EPB41L1: variants seen among roughly 807,000 people sequenced by gnomAD.
EPB41L1 encodes the protein erythrocyte membrane protein band 4.1 like 1, also known as band 4.1-like protein 1.
In EPB41L1, 29 loss-of-function variants were observed where a neutral mutation model predicts 97.8. The observed-to-expected ratio is 0.30, with a 90% CI of 0.22 to 0.40. The LOEUF (loss-of-function observed/expected upper bound fraction) is 0.40, where lower values mean the gene tolerates loss of function less well. Among genes scored for constraint, EPB41L1 ranks in the 10% least tolerant of loss-of-function variants. The pLI is 1.00. For missense variants in EPB41L1, 812 were observed against 1,162.3 expected, an observed-to-expected ratio of 0.70 and a Z score of 4.38; for synonymous variants, 383 against 459.2, an observed-to-expected ratio of 0.83 and a Z score of 2.12.
intron 2 of EPB41L1, among the ~76,000 whole-genome samples, chr20:36,120,424 T>C (rs2058715656): frequency 6.6e-6 from 1 of 152,202 alleles, no homozygotes; most frequent in African/African-American, 2.4e-5. Flanking sequence ...ACTGGTCCGG[T>C]GAACTTGGCA....
intron 1 of EPB41L1, among the ~76,000 whole-genome samples, chr20:36,103,045 G>A (rs1467851964): frequency 6.6e-6 from 1 of 152,164 alleles, no homozygotes; most frequent in East Asian, 1.9e-4. Flanking sequence ...TCAAGGCTCA[G>A]CTCAGATGCC....
At chr20:36,188,106 G>A (rs2061762287) in intron 8 of EPB41L1, among the ~76,000 whole-genome samples, 1 of 152,182 alleles carries the variant, frequency 6.6e-6, no homozygotes, top group South Asian at 2.1e-4. Flanking sequence ...ATGAACGATT[G>A]AGTGATTGAC....
intron 1 of EPB41L1, among the ~76,000 whole-genome samples, chr20:36,167,731 A>ATAC (rs1296161804): frequency 6.6e-6 from 1 of 151,012 alleles, no homozygotes; most frequent in African/African-American, 2.4e-5. Flanking sequence ...AATAATAATA[A>ATAC]TAACAATAAT....
At chr20:36,109,023 A>G (rs1050286818) in intron 1 of EPB41L1, among the ~76,000 whole-genome samples, 2 of 151,200 alleles carry the variant, frequency 1.3e-5, no homozygotes, top group Admixed American at 1.3e-4. Context: ...GGCTCACTGC[A>G]AGCTCCGCCT....
chr20:36,153,396 C>G (rs118134518), upstream of EPB41L1, among the ~76,000 whole-genome samples: 50 of 152,220 alleles, frequency 3.3e-4, no homozygotes, highest in East Asian at 9.5e-3. Flanking sequence ...CAGCTCACAT[C>G]GAGGCTGCTT....
chr20:36,118,994 G>A (rs577473739), intron 2 of EPB41L1, among the ~76,000 whole-genome samples: 1 of 152,304 alleles, frequency 6.6e-6, no homozygotes, highest in African/African-American at 2.4e-5. Flanking sequence ...ATCTTCTCCA[G>A]CCCTTGATTC....
At chr20:36,194,396 G>T in intron 12 of EPB41L1, 36 bp downstream of exon 12, 1 of 1,572,466 alleles carries the variant, frequency 6.4e-7, no homozygotes, top group East Asian at 2.4e-5. Context: ...TCTGCCCTGG[G>T]GATCAGGAGG....
Position 36,190,683 on chromosome 20 carries a change from A to C in EPB41L1, c.1186A>C (p.Ser396Arg). 1 of 1,614,060 alleles carries C rather than the reference A, an allele frequency of 6.2e-7. No individual in the cohort carries two copies. The highest frequency in any genetic ancestry group is 8.5e-7 in the Non-Finnish European group (1 of 1,180,002). Reference sequence around the variant, plus strand: ...GGTGATGGGCTCCAAGTTCCGGTACAGTGGGAGGACCCAGGCACAGACTCG... The same window carrying C: ...GGTGATGGGCTCCAAGTTCCGGTACCGTGGGAGGACCCAGGCACAGACTCG... Reference protein sequence around the residue: ...FLVMGSKFRYSGRTQAQTRQA... With the variant: ...FLVMGSKFRYRGRTQAQTRQA... Residue 396 changes from serine to arginine, a missense_variant, in exon 11 of 22, where the codon AGT becomes CGT. Ser to Arg is a moderately radical substitution (Grantham distance 110, BLOSUM62 -1). This residue lies in a region of EPB41L1 where 230 missense variants were observed against 445.2 expected (regional missense o/e 0.52). Coordinates refer to ENST00000338074, the MANE Select transcript of EPB41L1 (RefSeq NM_012156.2). This position sits in a 1 kb window ranked among gnomAD's most constrained non-coding sequence, Gnocchi z 5.8.
Position 36,092,276 on chromosome 20 carries a change from A to T in EPB41L1, c.-65+664A>T, listed in dbSNP as rs893774498. On this transcript the variant is annotated intron_variant, in intron 1 of 19. Transcript: ENST00000202028. This position sits in a 1 kb window ranked among gnomAD's most constrained non-coding sequence, Gnocchi z 7.0. ...GAGAAGTCTAAGCTAGGGAAAATCG[A>T]GGTCGGCGCTGGCGGGAACCCGGGA... Among the ~76,000 whole-genome samples the T allele has an allele frequency of 1.3e-5, 2 of 152,110 alleles. No homozygotes were observed. Among genetic ancestry groups the T allele is most frequent in the Non-Finnish European group, 2.9e-5 (2 of 68,008 alleles).
At chr20:36,117,544 A>G (rs1483461676) in intron 2 of EPB41L1, among the ~76,000 whole-genome samples, 6 of 152,230 alleles carry the variant, frequency 3.9e-5, no homozygotes, top group Non-Finnish European at 8.8e-5. Flanking sequence ...TCAATTTATC[A>G]TCTCATCTGA....
At chr20:36,186,277 G>A (rs145664461) in intron 7 of EPB41L1, among the ~76,000 whole-genome samples, 209 of 152,310 alleles carry the variant, frequency 1.4e-3, no homozygotes, top group African/African-American at 4.8e-3. Flanking sequence ...GTCCAGGATT[G>A]TTATGGGGAC....
intron 1 of EPB41L1, among the ~76,000 whole-genome samples, chr20:36,102,101 C>T (rs942092062): frequency 4.0e-5 from 6 of 149,016 alleles, no homozygotes; most frequent in African/African-American, 1.2e-4. Context: ...AACCCAGCTG[C>T]TCCATGGGCG....
Position 36,143,131 on chromosome 20 carries a change from GTGTGTT to G in EPB41L1, c.-10+30657_-10+30662del, listed in dbSNP as rs1383006911. On this transcript the variant is annotated intron_variant, in intron 2 of 19. Coordinates refer to the EPB41L1 transcript ENST00000202028. ...TGTGGTTGTGGCTATGTGAGGGAGG[GTGTGTT>G]TGTGTGTGTGTGTGTGTGTGTGTGT... Among the ~76,000 whole-genome samples, 571 of 134,896 alleles carry G rather than the reference GTGTGTT, an allele frequency of 4.2e-3. 2 individuals carry two copies. The highest frequency in any genetic ancestry group is 7.1e-3 in the Non-Finnish European group (449 of 63,482). 88.5% of individuals were successfully genotyped at this position (134,896 alleles called of 152,430 possible). A position where few individuals can be genotyped will look rare whatever the true frequency, so the allele number is the denominator to read the frequency against.
chr20:36,198,139 C>A, intron 14 of EPB41L1, 98 bp downstream of exon 14: 1 of 1,107,356 alleles, frequency 9.0e-7, no homozygotes, highest in South Asian at 1.3e-5. Flanking sequence ...CAATATGCTT[C>A]CCCCATTGCT....
chr20:36,132,896 G>A (rs1431062509), intron 2 of EPB41L1, among the ~76,000 whole-genome samples: 5 of 152,214 alleles, frequency 3.3e-5, no homozygotes, highest in African/African-American at 1.2e-4. Context: ...AAGCCAAGCA[G>A]CACCCGCTCC....
intron 15 of EPB41L1, among the ~76,000 whole-genome samples, chr20:36,210,191 A>G (rs1345076718): frequency 2.0e-5 from 3 of 152,094 alleles, no homozygotes; most frequent in African/African-American, 7.2e-5. Flanking sequence ...CCTGTGTTGC[A>G]TGGCACCTGC....
chr20:36,092,442 C>T lies in EPB41L1; in HGVS notation c.-65+830C>T, dbSNP rs1435548684. The stretch of plus-strand genomic sequence containing the variant: ...CGGGAGGGTTCGCGGGGCTCAGCCC[C>T]TTCCTCTGCTCCCCTCCCCGGGACC... On this transcript the variant is annotated intron_variant, in intron 1 of 19. Coordinates refer to the EPB41L1 transcript ENST00000202028. The surrounding 1 kb of genome is among the most constrained non-coding windows in gnomAD (Gnocchi z 7.0). Among the ~76,000 whole-genome samples, 1 of 152,032 alleles carries T rather than the reference C, an allele frequency of 6.6e-6. No individual in the cohort carries two copies. The highest frequency in any genetic ancestry group is 1.5e-5 in the Non-Finnish European group (1 of 67,966).
At chr20:36,165,139 A>C (rs888437296) in intron 1 of EPB41L1, among the ~76,000 whole-genome samples, 13 of 151,502 alleles carry the variant, frequency 8.6e-5, no homozygotes, top group Non-Finnish European at 1.8e-4. Flanking sequence ...GCACCACCAC[A>C]CTTGGCTAAT....
At chr20:36,202,259 T>C (rs1347754661) in intron 14 of EPB41L1, among the ~76,000 whole-genome samples, 1 of 152,228 alleles carries the variant, frequency 6.6e-6, no homozygotes, top group African/African-American at 2.4e-5. Context: ...TTGCTGTCCT[T>C]GGCGGCAGCC....
Sources: gnomAD v4.1 joint callset for allele counts (sites outside exome capture counted in the v4.1 genomes callset) on GRCh38, gnomAD v4.1.1 for gene constraint, gnomAD v4.1.1 regional missense constraint, Gnocchi (gnomAD v3.1) non-coding constraint, MANE v1.5 for transcripts, NCBI Gene and HGNC (gene_info 2026-07-23, HGNC 2026-07-21) for gene names.